The following TMEM131L variants were observed in gnomAD, a reference collection of about 807,000 sequenced individuals.
TMEM131L encodes transmembrane 131 like, also known as transmembrane protein 131-like.
A neutral mutation model predicts 192.2 loss-of-function variants in TMEM131L; 54 were observed. The observed-to-expected ratio is 0.28, with a 90% CI of 0.23 to 0.35. The LOEUF is 0.35. TMEM131L is among the 10% of genes least tolerant of loss of function. The pLI, the probability that TMEM131L is intolerant of heterozygous loss-of-function variation, is 1.00. For synonymous variants in TMEM131L, 701 were observed against 704.9 expected (o/e 0.99, Z 0.09); for missense variants, 1,888 against 1,972.9 (o/e 0.96, Z 0.82).
chr4:153,525,511 T>C (rs1735406697), intron 3 of TMEM131L, among the ~76,000 whole-genome samples: 2 of 152,106 alleles, frequency 1.3e-5, no homozygotes, highest in Admixed American at 6.5e-5. Flanking sequence ...GGCTAATTTT[T>C]GTATTTTTAA....
intron 25 of TMEM131L, among the ~76,000 whole-genome samples, chr4:153,607,928 C>T (rs1448797725): frequency 6.6e-6 from 1 of 152,116 alleles, no homozygotes; most frequent in East Asian, 1.9e-4. Context: ...TCCATCTCTA[C>T]CCAAAGAAGT....
At chr4:153,624,088 T>G (rs1377095582) in intron 29 of TMEM131L, among the ~76,000 whole-genome samples, 1 of 151,888 alleles carries the variant, frequency 6.6e-6, no homozygotes, top group Non-Finnish European at 1.5e-5. Flanking sequence ...CTTCTGCATC[T>G]TGCTCTTTTC....
rs146267589 is a variant in TMEM131L at position 153,609,256 on chromosome 4, C to T, written c.3419-2996C>T. 1.4e-3 allele frequency among the ~76,000 whole-genome samples: 210 copies of T among 152,250 alleles called. 1 individual carries two copies. Among genetic ancestry groups the T allele is most frequent in the African/African-American group, 4.8e-3 (200 of 41,552 alleles). ...GGTGGAGGGGTAAAGGGGAAGCAAG[C>T]ACGTCTTGCATGGTGGGAGCAGGAG... is the stretch of plus-strand genomic sequence containing the variant. On this transcript the variant is annotated intron_variant, in intron 25 of 34. Transcript: ENST00000409959.
At position 153,550,113 on chromosome 4, in the gene TMEM131L, C is replaced by A; in HGVS notation, c.280C>A (p.Gln94Lys). Residue 94 changes from glutamine to lysine, a missense_variant, in exon 4 of 35, where the codon CAG (glutamine) becomes AAG (lysine). By Grantham distance (53) the Gln-to-Lys change is moderately conservative. Coordinates refer to ENST00000409959, the MANE Select transcript of TMEM131L (RefSeq NM_001131007.2). ...ATTTAGTGGAAAAGGCTTACATTTTCAGCCATCAGTTTTAGATTTTGGAAT... is the reference window on the plus strand; with the variant it reads ...ATTTAGTGGAAAAGGCTTACATTTTAAGCCATCAGTTTTAGATTTTGGAAT... Reference protein sequence around the residue: ...KLFSGKGLHFQPSVLDFGIQF... With the variant: ...KLFSGKGLHFKPSVLDFGIQF... 6.7e-7 allele frequency: 1 copy of A among 1,487,320 alleles called. No homozygotes were observed. Among genetic ancestry groups the A allele is most frequent in the Non-Finnish European group, 9.0e-7 (1 of 1,106,026 alleles). The allele number at this position is 1,487,320 out of a possible 1,614,324, so 92.1% of individuals were successfully genotyped here. A position where few individuals can be genotyped will look rare whatever the true frequency, so the allele number is the denominator to read the frequency against.
chr4:153,626,880 A>G (rs1191117010), intron 30 of TMEM131L, among the ~76,000 whole-genome samples: 1 of 152,252 alleles, frequency 6.6e-6, no homozygotes, highest in Admixed American at 6.5e-5. Flanking sequence ...ATAATTGAGG[A>G]AATTTTGCAA....
At chr4:153,546,520 T>C (rs1737187609) in intron 3 of TMEM131L, among the ~76,000 whole-genome samples, 1 of 152,226 alleles carries the variant, frequency 6.6e-6, no homozygotes, top group Non-Finnish European at 1.5e-5. Flanking sequence ...AAGCGAACTT[T>C]GGCATTTCAA....
chr4:153,516,731 AC>A (rs1400643204), intron 3 of TMEM131L, among the ~76,000 whole-genome samples: 1 of 152,126 alleles, frequency 6.6e-6, no homozygotes, highest in Admixed American at 6.5e-5. Context: ...TTTCAGTTAT[AC>A]CCTTATGCTA....
At chr4:153,537,112 C>T (rs1051026918) in intron 3 of TMEM131L, among the ~76,000 whole-genome samples, 13 of 152,206 alleles carry the variant, frequency 8.5e-5, no homozygotes, top group East Asian at 7.7e-4. Context: ...AGGATCAATA[C>T]TCTGCATCCT....
At chr4:153,490,701 A>G (rs1292671563) in intron 3 of TMEM131L, among the ~76,000 whole-genome samples, 3 of 152,040 alleles carry the variant, frequency 2.0e-5, no homozygotes, top group Non-Finnish European at 4.4e-5. Flanking sequence ...CATGCCTGTA[A>G]TCCCAGCACT....
chr4:153,502,789 G>A (rs1432600441), intron 3 of TMEM131L, among the ~76,000 whole-genome samples: 1 of 152,166 alleles, frequency 6.6e-6, no homozygotes, highest in Non-Finnish European at 1.5e-5. Flanking sequence ...ATAATTTCTT[G>A]TTACTTGATC....
intron 3 of TMEM131L, among the ~76,000 whole-genome samples, chr4:153,542,327 C>G (rs1736848140): frequency 6.6e-6 from 1 of 152,110 alleles, no homozygotes; most frequent in Admixed American, 6.5e-5. Flanking sequence ...AGAGGGTAGC[C>G]AGTGGAGAGG....
At chr4:153,530,022 T>C (rs1735774727) in intron 3 of TMEM131L, among the ~76,000 whole-genome samples, 1 of 151,652 alleles carries the variant, frequency 6.6e-6, no homozygotes, top group African/African-American at 2.4e-5. Context: ...ATTCTTGCCA[T>C]CTCTGTTGTC....
intron 16 of TMEM131L, among the ~76,000 whole-genome samples, chr4:153,589,491 C>T (rs945093360): frequency 1.3e-5 from 2 of 152,112 alleles, no homozygotes; most frequent in Non-Finnish European, 2.9e-5. Flanking sequence ...TTTGCATGTC[C>T]CAGACAAGAT....
chr4:153,625,109 G>T (rs1429040289), intron 29 of TMEM131L, among the ~76,000 whole-genome samples: 10 of 152,158 alleles, frequency 6.6e-5, no homozygotes. Context: ...GATGATTCCA[G>T]TGTGGGATTT....
chr4:153,572,661 T>C (rs1729668263), intron 7 of TMEM131L, among the ~76,000 whole-genome samples: 1 of 152,184 alleles, frequency 6.6e-6, no homozygotes, highest in African/African-American at 2.4e-5. Flanking sequence ...ATTTCAGCTG[T>C]GTCTAGCTCT....
At chr4:153,466,693 C>A (rs114063000) in intron 1 of TMEM131L, among the ~76,000 whole-genome samples, 172 bp downstream of exon 1, 1 of 152,174 alleles carries the variant, frequency 6.6e-6, no homozygotes, top group African/African-American at 2.4e-5. Flanking sequence ...CACAGCGTCC[C>A]GTCCCGCGCC....
intron 3 of TMEM131L, among the ~76,000 whole-genome samples, chr4:153,521,516 G>A (rs1229995846): frequency 6.6e-6 from 1 of 152,000 alleles, no homozygotes; most frequent in Non-Finnish European, 1.5e-5. Flanking sequence ...TTTAAATTGG[G>A]GTACAATAGA....
At position 153,581,485 on chromosome 4, in the gene TMEM131L, T is replaced by G. The variant is rs1397349551; in HGVS notation, c.817T>G (p.Phe273Val). 1.2e-6 allele frequency: 2 copies of G among 1,603,578 alleles called. No homozygotes were observed. Among genetic ancestry groups the G allele is most frequent in the Non-Finnish European group, 1.7e-6 (2 of 1,173,970 alleles). The stretch of plus-strand genomic sequence containing the variant: ...AACAATGGAAAACTTTTCAAAAGAA[T>G]TTGAAGAAAACACACAACATTTGTT... ...MVTMENFSKE[F>V]EENTQHLLDH... Residue 273 changes from phenylalanine to valine, a missense_variant, in exon 9 of 35, where the codon TTT becomes GTT. Physicochemically the swap from Phe to Val is conservative, Grantham distance 50. Transcript: ENST00000409959.
In TMEM131L at chr4:153,632,843, A is replaced by G; in HGVS notation, c.4328+5A>G. ...GTCGGCCCCGGTTCATAATAGGTAC[A>G]GCTTCACTTCTCTGATTGGTGCCTT... On this transcript the variant is annotated splice_donor_5th_base_variant and intron_variant, in intron 32 of 34. Transcript: ENST00000409959. 6.2e-7 allele frequency: 1 copy of G among 1,614,086 alleles called. No individual in the cohort carries two copies. The highest frequency in any genetic ancestry group is 8.5e-7 in the Non-Finnish European group (1 of 1,179,990).
Sources: allele counts gnomAD v4.1 joint callset (sites outside exome capture counted in the v4.1 genomes callset), GRCh38; gene constraint gnomAD v4.1.1; transcripts MANE v1.5; gene names NCBI Gene and HGNC (gene_info 2026-07-23, HGNC 2026-07-21).